Variants in RBFOX1 observed in about 807,000 individuals in gnomAD.
The protein encoded by RBFOX1 is RNA binding fox-1 homolog 1.
RBFOX1 carries 8 observed loss-of-function variants against 57.7 expected under a neutral mutation model. The observed-to-expected ratio is 0.14, with a 90% CI of 0.08 to 0.25. The LOEUF is 0.25. Among genes scored for constraint, RBFOX1 ranks in the 10% least tolerant of loss-of-function variants. The pLI is 1.00. For missense variants in RBFOX1, 611 were observed against 548.5 expected (o/e 1.11, Z -1.14); for synonymous variants, 326 against 222.4 (o/e 1.47, Z -4.15).
At chr16:5,718,119 T>C (rs777561236) in intron 3 of RBFOX1, among the ~76,000 whole-genome samples, 10 of 152,356 alleles carry the variant, frequency 6.6e-5, no homozygotes, top group South Asian at 6.2e-4. Context: ...AGCATTTCTT[T>C]ACATAGGGGG....
chr16:6,917,112 G>C (rs945658746), intron 3 of RBFOX1, among the ~76,000 whole-genome samples: 1 of 152,170 alleles, frequency 6.6e-6, no homozygotes, highest in African/African-American at 2.4e-5. Context: ...TGGCCTCCCA[G>C]AGTGCTGGGG....
intron 1 of RBFOX1, among the ~76,000 whole-genome samples, chr16:5,241,964 T>A (rs1191036947): frequency 1.3e-5 from 2 of 150,990 alleles, no homozygotes; most frequent in Non-Finnish European, 2.9e-5. Flanking sequence ...AATAATAAAA[T>A]AAAAGCCAGG....
chr16:6,112,428 C>A (rs907044942), intron 1 of RBFOX1, among the ~76,000 whole-genome samples: 1 of 152,192 alleles, frequency 6.6e-6, no homozygotes, highest in Non-Finnish European at 1.5e-5. Flanking sequence ...CGGTGACTCA[C>A]GCCTGTAATC....
chr16:5,537,199 C>T (rs1567205698), intron 2 of RBFOX1, among the ~76,000 whole-genome samples: 1 of 152,102 alleles, frequency 6.6e-6, no homozygotes, highest in Non-Finnish European at 1.5e-5. Context: ...CTTTAATGTT[C>T]ATATATATAT....
intron 2 of RBFOX1, among the ~76,000 whole-genome samples, chr16:6,525,083 C>A (rs1291364267): frequency 6.6e-6 from 1 of 152,182 alleles, no homozygotes; most frequent in Non-Finnish European, 1.5e-5. Flanking sequence ...TTCCCTCCCT[C>A]CACCTAAATT....
At chr16:7,636,845 CAG>C (rs541420526) in intron 11 of RBFOX1, among the ~76,000 whole-genome samples, 25 of 119,242 alleles carry the variant, frequency 2.1e-4, no homozygotes, top group African/African-American at 4.8e-4. Context: ...CAGAGAGAAA[CAG>C]AGAGAGAGAG....
chr16:7,302,551 G>C (rs1232666463), intron 4 of RBFOX1, among the ~76,000 whole-genome samples: 2 of 151,316 alleles, frequency 1.3e-5, no homozygotes, highest in African/African-American at 4.9e-5. Context: ...AGGTCAGTGA[G>C]AAGCTGTCAG....
chr16:5,783,429 A>G (rs911412122), intron 3 of RBFOX1, among the ~76,000 whole-genome samples: 2 of 152,202 alleles, frequency 1.3e-5, no homozygotes, highest in African/African-American at 4.8e-5. Context: ...TGGTGTATAT[A>G]GAGATTTTTT....
intron 3 of RBFOX1, among the ~76,000 whole-genome samples, chr16:6,941,627 C>T (rs1486697641): frequency 6.6e-6 from 1 of 151,546 alleles, no homozygotes; most frequent in East Asian, 2.0e-4. Flanking sequence ...CCCTTCATAC[C>T]TGTTGAATAT....
chr16:7,005,875 C>T (rs1596700413), intron 3 of RBFOX1, among the ~76,000 whole-genome samples: 1 of 152,158 alleles, frequency 6.6e-6, no homozygotes, highest in Non-Finnish European at 1.5e-5. Flanking sequence ...TTCCCTTCTT[C>T]TGGATAAGAA....
intron 2 of RBFOX1, among the ~76,000 whole-genome samples, chr16:6,334,051 A>G (rs1401303250): frequency 6.6e-6 from 1 of 152,216 alleles, no homozygotes; most frequent in Non-Finnish European, 1.5e-5. Flanking sequence ...CTAGAGAAAT[A>G]TTTTAACCAT....
intron 4 of RBFOX1, among the ~76,000 whole-genome samples, chr16:7,170,957 C>T (rs1174264685): frequency 2.0e-5 from 3 of 152,156 alleles, no homozygotes; most frequent in African/African-American, 4.8e-5. Context: ...TATCAGGTTT[C>T]CTTTTGCAGG....
chr16:6,556,226 CTCTA>C (rs1439533366), intron 2 of RBFOX1, among the ~76,000 whole-genome samples: 1 of 152,196 alleles, frequency 6.6e-6, no homozygotes, highest in Non-Finnish European at 1.5e-5. Flanking sequence ...ATCAACGTCT[CTCTA>C]TCTACTTATC....
At chr16:6,278,861 T>C (rs1195744658) in intron 1 of RBFOX1, among the ~76,000 whole-genome samples, 1 of 152,214 alleles carries the variant, frequency 6.6e-6, no homozygotes, top group African/African-American at 2.4e-5. Flanking sequence ...TAAGCTATTC[T>C]TGATCTTAAA....
chr16:6,658,257 T>A (rs991442657), intron 3 of RBFOX1, among the ~76,000 whole-genome samples: 1 of 151,396 alleles, frequency 6.6e-6, no homozygotes, highest in African/African-American at 2.4e-5. Context: ...TTTTTTTTTT[T>A]AACAGTCTCC....
intron 2 of RBFOX1, among the ~76,000 whole-genome samples, chr16:5,558,076 A>G (rs2045747545): frequency 6.6e-6 from 1 of 152,082 alleles, no homozygotes; most frequent in Non-Finnish European, 1.5e-5. Flanking sequence ...CTCCCCATCC[A>G]TCTTTCTGAG....
intron 3 of RBFOX1, among the ~76,000 whole-genome samples, chr16:6,707,168 C>G (rs1016208189): frequency 1.8e-4 from 27 of 152,148 alleles, no homozygotes; most frequent in Admixed American, 1.2e-3. Flanking sequence ...TTGTAAGGTG[C>G]ATACTATTTT....
rs2077895351 is a variant in RBFOX1 at position 7,523,156 on chromosome 16, C to G, written c.270+4767C>G. Among the ~76,000 whole-genome samples the G allele has an allele frequency of 3.3e-5, 5 of 152,284 alleles. No homozygotes were observed. The South Asian group carries it at 1.0e-3, about 32-fold the overall frequency. ...ATTTTTAGATTCATCCATATTGTTGCATGTGGTTGTAGCTCCTTCCTTTTC... is the reference window on the plus strand; with the variant it reads ...ATTTTTAGATTCATCCATATTGTTGGATGTGGTTGTAGCTCCTTCCTTTTC... On this transcript the variant is annotated intron_variant, in intron 5 of 15. Coordinates refer to ENST00000550418, the MANE Select transcript of RBFOX1 (RefSeq NM_018723.4).
rs75066978 is a variant in RBFOX1, at chr16:5,566,548, C to T, written c.259-32354C>T. On this transcript the variant is annotated intron_variant, in intron 2 of 2. Coordinates refer to the RBFOX1 transcript ENST00000585867. ...TTTTCTTGTAACTTGCTCCATCTCC[C>T]AGAGATTTCAGGAAAGTAGTTATAT... Among the ~76,000 whole-genome samples, 952 of 151,526 alleles carry T rather than the reference C, an allele frequency of 6.3e-3. 5 individuals are homozygous for T. The highest frequency in any genetic ancestry group is 0.021 in the African/African-American group (877 of 41,212).
Sources: allele counts gnomAD v4.1 joint callset (sites outside exome capture counted in the v4.1 genomes callset), GRCh38; gene constraint gnomAD v4.1.1; transcripts MANE v1.5; gene names NCBI Gene and HGNC (gene_info 2026-07-23, HGNC 2026-07-21).